The following KLF12 variants were observed in gnomAD, a reference collection of about 807,000 sequenced individuals.
The protein encoded by KLF12 is Krueppel-like factor 12.
KLF12 carries 9 observed loss-of-function variants against 37.8 expected under a neutral mutation model. The ratio of observed to expected loss-of-function variants is 0.24; its 90% CI spans 0.14 to 0.42. The LOEUF (loss-of-function observed/expected upper bound fraction) is 0.42, where lower values mean the gene tolerates loss of function less well. Among genes scored for constraint, KLF12 ranks in the 10% least tolerant of loss-of-function variants. The pLI is 1.00. For synonymous variants in KLF12, 208 were observed against 202.1 expected (o/e 1.03, Z -0.25); for missense variants, 411 against 516.0 (o/e 0.80, Z 1.97).
intron 5 of KLF12, among the ~76,000 whole-genome samples, chr13:73,791,714 T>C (rs1881698598): frequency 6.6e-6 from 1 of 152,162 alleles, no homozygotes; most frequent in South Asian, 2.1e-4. Context: ...GCAAATACCA[T>C]TTATATAAAT....
chr13:74,015,189 T>C (rs1232019844), intron 1 of KLF12, among the ~76,000 whole-genome samples: 2 of 152,218 alleles, frequency 1.3e-5, no homozygotes, highest in African/African-American at 4.8e-5. Context: ...ACTATTACCA[T>C]AGACTGATCC....
intron 2 of KLF12, among the ~76,000 whole-genome samples, chr13:73,978,018 T>G (rs1484273863): frequency 6.6e-6 from 1 of 151,224 alleles, no homozygotes; most frequent in African/African-American, 2.5e-5. Flanking sequence ...TCTAAAACCC[T>G]AGAAAACAAC....
chr13:74,031,168 G>A (rs749059641), intron 1 of KLF12, among the ~76,000 whole-genome samples: 2 of 152,040 alleles, frequency 1.3e-5, no homozygotes, highest in Non-Finnish European at 2.9e-5. Context: ...TTGCTCTTTG[G>A]AAATTTGGAA....
chr13:74,072,722 T>A (rs1874344933), intron 1 of KLF12, among the ~76,000 whole-genome samples: 1 of 152,072 alleles, frequency 6.6e-6, no homozygotes, highest in South Asian at 2.1e-4. Context: ...TCTGTGTGTA[T>A]AAATACATAC....
chr13:73,771,952 T>C (rs1880298416), intron 5 of KLF12, among the ~76,000 whole-genome samples: 1 of 152,312 alleles, frequency 6.6e-6, no homozygotes, highest in South Asian at 2.1e-4. Flanking sequence ...TGAAAGTGAA[T>C]ACAAGGTATG....
the KLF12 span, among the ~76,000 whole-genome samples, chr13:74,301,642 T>C: frequency 6.6e-6 from 1 of 152,072 alleles, no homozygotes; most frequent in Non-Finnish European, 1.5e-5. Flanking sequence ...AACGAGAAAA[T>C]GTTCCATTGG....
In KLF12 at chr13:74,124,893, C is replaced by T. The variant is rs138256400; in HGVS notation, c.-32+8846G>A. On this transcript the variant is annotated intron_variant, in intron 1 of 7. Coordinates refer to ENST00000377669, the MANE Select transcript of KLF12 (RefSeq NM_007249.5). ...AAACTGGGCCGCGTATGTTGGCCCA[C>T]ACCTGTAACCCCAGCAGCAAGGCGG... Among the ~76,000 whole-genome samples the T allele has an allele frequency of 8.1e-4, 124 of 152,284 alleles. 2 individuals are homozygous for T. The highest frequency in any genetic ancestry group is 2.8e-3 in the African/African-American group (118 of 41,562).
intron 1 of KLF12, among the ~76,000 whole-genome samples, chr13:74,068,581 G>C (rs1317658456): frequency 7.4e-6 from 1 of 135,464 alleles, no homozygotes; most frequent in East Asian, 2.1e-4. Context: ...TTTTGAGACT[G>C]AGCTCTGCTC....
chr13:74,230,736 C>T, the KLF12 span, among the ~76,000 whole-genome samples: 1 of 152,082 alleles, frequency 6.6e-6, no homozygotes, highest in Non-Finnish European at 1.5e-5. Context: ...GCATGCACGA[C>T]TATCAAGTGT....
intron 3 of KLF12, among the ~76,000 whole-genome samples, chr13:73,939,179 G>A (rs901214499): frequency 2.0e-4 from 30 of 152,194 alleles, no homozygotes; most frequent in Admixed American, 1.5e-3. Context: ...CTCCTTCCCC[G>A]CGGCAGATTC....
At chr13:74,286,553 A>T in the KLF12 span, among the ~76,000 whole-genome samples, 1 of 152,228 alleles carries the variant, frequency 6.6e-6, no homozygotes, top group African/African-American at 2.4e-5. Context: ...AATACCATCC[A>T]TGCAGTCTTT....
At chr13:73,814,759 C>T (rs771527754) in intron 4 of KLF12, among the ~76,000 whole-genome samples, 4 of 151,064 alleles carry the variant, frequency 2.6e-5, no homozygotes, top group Admixed American at 2.0e-4. Flanking sequence ...CAACTTGGGG[C>T]GGGGGATAGG....
At chr13:74,153,245 A>G in the KLF12 span, among the ~76,000 whole-genome samples, 10 of 152,166 alleles carry the variant, frequency 6.6e-5, no homozygotes, top group Non-Finnish European at 1.5e-4. Flanking sequence ...CTTGAATTCA[A>G]TGAAGTCAAT....
At chr13:74,146,456 G>GA in the KLF12 span, among the ~76,000 whole-genome samples, 1 of 152,066 alleles carries the variant, frequency 6.6e-6, no homozygotes, top group South Asian at 2.1e-4. Context: ...TACAAAGCTT[G>GA]AAAAAACTCT....
chr13:74,093,697 A>G (rs1875807884), intron 1 of KLF12, among the ~76,000 whole-genome samples: 1 of 151,562 alleles, frequency 6.6e-6, no homozygotes, highest in Non-Finnish European at 1.5e-5. Context: ...AATAGTTAAG[A>G]ATTGACTCCA....
At chr13:74,164,010 C>T in the KLF12 span, among the ~76,000 whole-genome samples, 1 of 151,864 alleles carries the variant, frequency 6.6e-6, no homozygotes, top group Non-Finnish European at 1.5e-5. Context: ...GAAGATGACG[C>T]AGGTAAATTT....
chr13:74,246,626 C>G, the KLF12 span, among the ~76,000 whole-genome samples: 1 of 152,214 alleles, frequency 6.6e-6, no homozygotes, highest in Non-Finnish European at 1.5e-5. Flanking sequence ...TCTCTCTCCT[C>G]CGACATGAAC....
chr13:74,242,523 C>T, the KLF12 span, among the ~76,000 whole-genome samples: 1 of 152,148 alleles, frequency 6.6e-6, no homozygotes, highest in Admixed American at 6.5e-5. Context: ...CCCACTGGGT[C>T]CCTCCCACAA....
chr13:73,924,448 C>T (rs578260789), intron 3 of KLF12, among the ~76,000 whole-genome samples: 26 of 152,210 alleles, frequency 1.7e-4, no homozygotes, highest in Admixed American at 6.5e-5. Flanking sequence ...GATCAGTGAT[C>T]TTTGATGTAA....
Sources: gnomAD v4.1 joint callset for allele counts (sites outside exome capture counted in the v4.1 genomes callset) on GRCh38, gnomAD v4.1.1 for gene constraint, MANE v1.5 for transcripts, NCBI Gene and HGNC (gene_info 2026-07-23, HGNC 2026-07-21) for gene names.